PTGIS: variants seen among roughly 807,000 people sequenced by gnomAD.
PTGIS encodes prostacyclin synthase.
A neutral mutation model predicts 50.3 loss-of-function variants in PTGIS; 45 were observed. The observed-to-expected ratio is 0.90, with a 90% CI of 0.70 to 1.15. PTGIS has a LOEUF of 1.15. Among genes scored for constraint, PTGIS ranks in the 50% most tolerant of loss-of-function variants. PTGIS has a pLI of 0.00. For missense variants in PTGIS, 668 were observed against 661.3 expected (o/e 1.01, Z -0.11); for synonymous variants, 260 against 267.7 (o/e 0.97, Z 0.28).
intron 6 of PTGIS, 24 bp downstream of exon 6, chr20:49,524,034 A>G (rs1489118002): frequency 1.2e-6 from 2 of 1,613,858 alleles, no homozygotes; most frequent in East Asian, 4.5e-5. Flanking sequence ...ACCTGCACAC[A>G]CCCACTTGCA....
At chr20:49,517,979 G>A (rs1159897262) in intron 6 of PTGIS, among the ~76,000 whole-genome samples, 1 of 152,240 alleles carries the variant, frequency 6.6e-6, no homozygotes, top group African/African-American at 2.4e-5. Flanking sequence ...GGCTGGGCCA[G>A]TGAGTATCAG....
chr20:49,566,739 T>C (rs1282811274), intron 1 of PTGIS, among the ~76,000 whole-genome samples: 1 of 152,170 alleles, frequency 6.6e-6, no homozygotes, highest in Non-Finnish European at 1.5e-5. Context: ...TATGTAAGAG[T>C]AATTTTTAAA....
chr20:49,508,185 G>T (rs968195669), intron 9 of PTGIS, 121 bp from the exon 10 acceptor site: 74 of 1,173,580 alleles, frequency 6.3e-5, no homozygotes, highest in Non-Finnish European at 9.0e-5. Context: ...AAAGTGAGGA[G>T]AGGAGTGAGG....
intron 2 of PTGIS, among the ~76,000 whole-genome samples, chr20:49,548,442 G>A (rs1479197430): frequency 6.6e-6 from 1 of 152,150 alleles, no homozygotes; most frequent in African/African-American, 2.4e-5. Context: ...ATGGATGAAT[G>A]GATGGATGAA....
At position 49,514,267 on chromosome 20, in the gene PTGIS, G is replaced by C; in HGVS notation, c.984C>G (p.Thr328=). Residue 328 remains threonine, a synonymous_variant, in exon 7 of 10, where the codon ACC becomes ACG. Transcript: ENST00000244043. The part of the protein sequence containing the change: ...WQAEQPVSQT[T]TLPQKVLDST... The stretch of plus-strand genomic sequence containing the variant: ...TGTCTAGAACCTTCTGTGGGAGAGT[G>C]GTCGTCTGCGAGACAGGCTGCTCCG... The C allele has an allele frequency of 6.2e-7, 1 of 1,614,040 alleles. No individual in the cohort carries two copies. The highest frequency in any genetic ancestry group is 1.7e-5 in the Admixed American group (1 of 60,020).
chr20:49,560,692 T>C (rs1982749121), intron 1 of PTGIS, among the ~76,000 whole-genome samples: 1 of 152,026 alleles, frequency 6.6e-6, no homozygotes, highest in Non-Finnish European at 1.5e-5. Flanking sequence ...AGAAGAGTGT[T>C]ACAGGCAGAG....
At chr20:49,563,568 CT>C (rs1195757228) in intron 1 of PTGIS, among the ~76,000 whole-genome samples, 1 of 152,158 alleles carries the variant, frequency 6.6e-6, no homozygotes, top group Non-Finnish European at 1.5e-5. Context: ...ATTGCTAGAT[CT>C]TCCCATTTTT....
intron 5 of PTGIS, among the ~76,000 whole-genome samples, chr20:49,524,542 A>G (rs1021830625): frequency 3.3e-5 from 5 of 152,204 alleles, no homozygotes; most frequent in Admixed American, 3.3e-4. Flanking sequence ...GCAGGTGCTC[A>G]ATAAATATGC....
At chr20:49,561,326 G>A (rs573029286) in intron 1 of PTGIS, among the ~76,000 whole-genome samples, 3 of 152,276 alleles carry the variant, frequency 2.0e-5, no homozygotes, top group African/African-American at 4.8e-5. Context: ...GAGGGCCTAG[G>A]AAGTGCCTCT....
chr20:49,514,174 G>A (rs1981405354), intron 7 of PTGIS, 53 bp downstream of exon 7: 9 of 1,600,218 alleles, frequency 5.6e-6, no homozygotes, highest in Admixed American at 1.7e-5. Flanking sequence ...GGGCTTTGGG[G>A]GTCCATGATG....
chr20:49,536,708 C>G (rs1982086152), intron 5 of PTGIS, among the ~76,000 whole-genome samples: 1 of 152,034 alleles, frequency 6.6e-6, no homozygotes, highest in Non-Finnish European at 1.5e-5. Context: ...GTCTTGAACT[C>G]CTCACCTTAG....
rs5587 is a variant in PTGIS, at chr20:49,507,674, G to A, written c.*246C>T. On this transcript the variant is annotated 3_prime_UTR_variant, in exon 10 of 10. Transcript: ENST00000244043. ...GTGAGAGTAACGAGGTGAATTGGGAGCAGACAAAGCCTGATTTTGGAAAGA... is the reference window on the plus strand; with the variant it reads ...GTGAGAGTAACGAGGTGAATTGGGAACAGACAAAGCCTGATTTTGGAAAGA... 98 of 578,038 alleles carry A rather than the reference G, an allele frequency of 1.7e-4. No individual in the cohort carries two copies. The highest frequency in any genetic ancestry group is 1.6e-3 in the African/African-American group (87 of 53,516). 35.8% of individuals were successfully genotyped at this position (578,038 alleles called of 1,614,324 possible). A position where few individuals can be genotyped will look rare whatever the true frequency, so the allele number is the denominator to read the frequency against.
At chr20:49,546,680 G>A (rs1448046383) in intron 3 of PTGIS, among the ~76,000 whole-genome samples, 1 of 152,186 alleles carries the variant, frequency 6.6e-6, no homozygotes, top group African/African-American at 2.4e-5. Flanking sequence ...TAGACTTTGA[G>A]CAAGTCACTT....
intron 5 of PTGIS, among the ~76,000 whole-genome samples, chr20:49,537,491 A>T (rs946566353): frequency 2.0e-5 from 3 of 152,218 alleles, no homozygotes; most frequent in Non-Finnish European, 4.4e-5. Flanking sequence ...GTGGTGGCTC[A>T]TGCCTGTAAT....
At chr20:49,528,971 AT>A (rs1437246192) in intron 5 of PTGIS, among the ~76,000 whole-genome samples, 1 of 152,092 alleles carries the variant, frequency 6.6e-6, no homozygotes, top group African/African-American at 2.4e-5. Context: ...TTATTACTTA[AT>A]TTTTTTCCAG....
rs1369317185 is a variant in PTGIS, at chr20:49,506,076, C to T, written c.*1844G>A. ...TGTCCCATCACCAGTCCCCTTGAGC[C>T]CAAAGAACAGGAGTTGCTCATCCAG... On this transcript the variant is annotated 3_prime_UTR_variant, in exon 10 of 10. Transcript: ENST00000244043. 3 of 152,698 alleles carry T rather than the reference C, an allele frequency of 2.0e-5. No individual in the cohort carries two copies. The highest frequency in any genetic ancestry group is 4.4e-5 in the Non-Finnish European group (3 of 68,092). 9.5% of individuals were successfully genotyped at this position (152,698 alleles called of 1,614,324 possible). A position where few individuals can be genotyped will look rare whatever the true frequency, so the allele number is the denominator to read the frequency against.
intron 1 of PTGIS, among the ~76,000 whole-genome samples, chr20:49,563,568 C>G (rs762158986): frequency 2.6e-5 from 4 of 152,158 alleles, no homozygotes; most frequent in Non-Finnish European, 5.9e-5. Flanking sequence ...ATTGCTAGAT[C>G]TTCCCATTTT....
At chr20:49,513,572 G>C (rs1323835471) in intron 7 of PTGIS, among the ~76,000 whole-genome samples, 1 of 152,078 alleles carries the variant, frequency 6.6e-6, no homozygotes, top group Non-Finnish European at 1.5e-5. Context: ...TGTCTGCCCG[G>C]CATATATTTC....
rs79258588 is a variant in PTGIS, at chr20:49,565,655, T to G, written c.74+2388A>C. On this transcript the variant is annotated intron_variant, in intron 1 of 9. Coordinates refer to ENST00000244043, the MANE Select transcript of PTGIS (RefSeq NM_000961.4). The stretch of plus-strand genomic sequence containing the variant: ...CTCCAGCCTGGGCCACAGTGTGAGA[T>G]CCTATCACTAAAAGTAAAAGCTAAA... Among the ~76,000 whole-genome samples, 441 of 151,850 alleles carry G rather than the reference T, an allele frequency of 2.9e-3. 5 individuals are homozygous for G. The East Asian group carries it at 0.058, about 20-fold the overall frequency.
Sources: gnomAD v4.1 joint callset for allele counts (sites outside exome capture counted in the v4.1 genomes callset) on GRCh38, gnomAD v4.1.1 for gene constraint, MANE v1.5 for transcripts, NCBI Gene and HGNC (gene_info 2026-07-23, HGNC 2026-07-21) for gene names.